VWCE: variants seen among roughly 807,000 people sequenced by gnomAD.
VWCE encodes von Willebrand factor C and EGF domain-containing protein.
In VWCE, 68 loss-of-function variants were observed where a neutral mutation model predicts 102.9. That is an observed-to-expected ratio of 0.66 (90% CI 0.54 to 0.81). The LOEUF (loss-of-function observed/expected upper bound fraction) is 0.81. VWCE is among the 30% of genes least tolerant of loss of function. VWCE has a pLI of 0.00. For missense variants in VWCE, 1,137 were observed against 1,263.6 expected (o/e 0.90, Z 1.52); for synonymous variants, 497 against 515.4 (o/e 0.96, Z 0.48).
intron 15 of VWCE, among the ~76,000 whole-genome samples, chr11:61,268,664 T>C (rs1302556497): frequency 6.6e-6 from 1 of 152,250 alleles, no homozygotes; most frequent in Non-Finnish European, 1.5e-5. Context: ...CTCCTCCTGC[T>C]GTTCTCCAAT....
intron 12 of VWCE, 65 bp from the exon 13 acceptor site, chr11:61,273,381 G>C (rs1454291548): frequency 6.8e-7 from 1 of 1,473,086 alleles, no homozygotes; most frequent in African/African-American, 1.4e-5. Flanking sequence ...TGGAGAGCTA[G>C]AGGAGGCCGC....
At chr11:61,263,651 A>G (rs942231787) in intron 19 of VWCE, among the ~76,000 whole-genome samples, 1 of 152,096 alleles carries the variant, frequency 6.6e-6, no homozygotes, top group African/African-American at 2.4e-5. Flanking sequence ...CCACTGTCCT[A>G]TCTAAAAGCA....
Position 61,259,013 on chromosome 11 carries a change from G to T in VWCE, c.2530C>A (p.Leu844Ile). The change falls in exon 20 of 20, where the codon CTC (leucine) becomes ATC (isoleucine). Residue 844 changes from leucine (L) to isoleucine (I), a missense_variant. Around this residue, in one of 5 missense-constraint regions of VWCE, gnomAD observed 316 missense variants for 319.3 expected, o/e 0.99. Coordinates refer to ENST00000335613, the MANE Select transcript of VWCE (RefSeq NM_152718.2). The stretch of plus-strand genomic sequence containing the variant: ...GGAGGGGTCGAAGGCCCTGGTGAGA[G>T]TCGAGGGGAGGCCCCAGGCTCCCCT... ...FPGEPGASPR[L>I]SPGPSTPPGA... The T allele has an allele frequency of 1.9e-6, 3 of 1,613,754 alleles. No individual in the cohort carries two copies. The highest frequency in any genetic ancestry group is 2.5e-6 in the Non-Finnish European group (3 of 1,179,814).
rs759958113 is a variant in VWCE at position 61,259,002 on chromosome 11, C to A, written c.2541G>T (p.Gly847=). ...EPGASPRLSP[G]PSTPPGAPTL... is the part of the protein sequence containing the mutation. ...TGGGGGCTCCTGGAGGGGTCGAAGGCCCTGGTGAGAGTCGAGGGGAGGCCC... is the reference window on the plus strand; with the variant it reads ...TGGGGGCTCCTGGAGGGGTCGAAGGACCTGGTGAGAGTCGAGGGGAGGCCC... The change falls in exon 20 of 20, where the codon GGG becomes GGT. Residue 847 remains glycine, a synonymous_variant. Coordinates refer to ENST00000335613, the MANE Select transcript of VWCE (RefSeq NM_152718.2). The A allele has an allele frequency of 6.2e-7, 1 of 1,613,074 alleles. No individual in the cohort carries two copies. Among genetic ancestry groups the A allele is most frequent in the East Asian group, 2.2e-5 (1 of 44,858 alleles).
chr11:61,269,315 T>G (rs1307019871), intron 14 of VWCE: 1 of 392,990 alleles, frequency 2.5e-6, no homozygotes, highest in East Asian at 4.5e-5. Context: ...TCCAAATCCT[T>G]TCTCAGCTTT....
intron 4 of VWCE, among the ~76,000 whole-genome samples, chr11:61,287,075 C>T (rs1048402674): frequency 2.0e-5 from 3 of 151,794 alleles, no homozygotes; most frequent in Non-Finnish European, 2.9e-5. Flanking sequence ...CCAGCCTGGG[C>T]GACAGAGCGA....
chr11:61,259,162 G>T lies in VWCE; in HGVS notation c.2381C>A (p.Pro794Gln). ...PGPPTASPSR[P>Q]VLHLLQLLLR... ...AAGGAGCTGGAGGAGATGAAGCACC[G>T]GCCTCGAGGGTGATGCTGTCGGGGG... The change falls in exon 20 of 20, where the codon CCG (proline) becomes CAG (glutamine). Residue 794 changes from proline to glutamine, a missense_variant. Transcript: ENST00000335613. 1 of 1,614,100 alleles carries T rather than the reference G, an allele frequency of 6.2e-7. No individual in the cohort carries two copies. The highest frequency in any genetic ancestry group is 8.5e-7 in the Non-Finnish European group (1 of 1,179,988).
intron 10 of VWCE, among the ~76,000 whole-genome samples, chr11:61,278,105 G>A (rs944124493): frequency 6.6e-6 from 1 of 152,158 alleles, no homozygotes; most frequent in African/African-American, 2.4e-5. Flanking sequence ...CTTCCCTGGT[G>A]GGAAGTTTCC....
rs1478783496 is a variant in VWCE at position 61,286,818 on chromosome 11, C to T, written c.425-388G>A. On this transcript the variant is annotated intron_variant, in intron 4 of 19. Transcript: ENST00000335613. ...CTCCATCTCAGGAAAAAAAAGAAGG[C>T]CGGGCGCGGTGGCTCACGCCTGTAA... is the stretch of plus-strand genomic sequence containing the variant. Among the ~76,000 whole-genome samples the T allele has an allele frequency of 2.0e-4, 30 of 149,508 alleles. No individual in the cohort carries two copies. In the East Asian group the frequency reaches 4.2e-3, roughly 21 times the overall value.
chr11:61,270,314 T>C (rs1206864920), intron 14 of VWCE, among the ~76,000 whole-genome samples: 1 of 152,220 alleles, frequency 6.6e-6, no homozygotes, highest in African/African-American at 2.4e-5. Context: ...GAGGTTAAAA[T>C]GCAGTTTGTG....
intron 4 of VWCE, among the ~76,000 whole-genome samples, chr11:61,289,401 C>CCACT (rs1344908312): frequency 2.0e-5 from 3 of 151,964 alleles, no homozygotes; most frequent in African/African-American, 7.3e-5. Context: ...CAGGCATGTA[C>CCACT]CACTACACCA....
intron 14 of VWCE, chr11:61,271,321 A>G (rs535965848): frequency 4.9e-5 from 11 of 222,488 alleles, no homozygotes; most frequent in Admixed American, 1.5e-4. Flanking sequence ...AATATTTTGT[A>G]TTTTTAGTAG....
intron 1 of VWCE, among the ~76,000 whole-genome samples, chr11:61,293,502 G>A (rs1306508073): frequency 6.6e-6 from 1 of 151,964 alleles, no homozygotes; most frequent in Non-Finnish European, 1.5e-5. Flanking sequence ...CACAACTGCA[G>A]GCCTGGAGGG....
chr11:61,258,794 C>T lies in VWCE; in HGVS notation c.2749G>A (p.Gly917Arg), dbSNP rs142539738. Residue 917 changes from glycine (G) to arginine (R), a missense_variant, in exon 20 of 20, where the codon GGG becomes AGG. Gly to Arg is a moderately radical substitution (Grantham distance 125). Transcript: ENST00000335613. The part of the protein sequence containing the change: ...SPSKTPITLL[G>R]PRVLSPTTSR... ...GTGGTGGGAGAAAGCACGCGAGGCC[C>T]GAGGAGGGTGATGGGGGTCTTCGAG... The T allele has an allele frequency of 2.0e-3, 3,034 of 1,499,372 alleles. 19 individuals carry two copies. The highest frequency in any genetic ancestry group is 8.2e-3 in the South Asian group (572 of 69,954). 92.9% of individuals were successfully genotyped at this position (1,499,372 alleles called of 1,614,324 possible).
In VWCE at chr11:61,281,857, T is replaced by C; in HGVS notation, c.716A>G (p.Asn239Ser). 6.2e-7 allele frequency: 1 copy of C among 1,613,926 alleles called. No individual in the cohort carries two copies. The part of the protein sequence containing the change: ...ERRVCHHSCH[N>S]TVGSFLCTCR... ...TGTGCATAGGAAGCTGCCCACGGTG[T>C]TGTGGCAGGAATGGTGACAGACTCG... Residue 239 changes from asparagine to serine, a missense_variant, in exon 7 of 20, where the codon AAC becomes AGC. By Grantham distance (46) the Asn-to-Ser change is conservative. This residue lies in a region of VWCE where 575 missense variants were observed against 625.9 expected (regional missense o/e 0.92). Transcript: ENST00000335613.
intron 7 of VWCE, 133 bp downstream of exon 7, chr11:61,281,653 G>T: frequency 8.1e-7 from 1 of 1,238,154 alleles, no homozygotes; most frequent in Non-Finnish European, 1.1e-6. Context: ...GTAGGGCGGG[G>T]CCAGGAGCTG....
chr11:61,281,322 A>G (rs1855126752), intron 7 of VWCE, 87 bp from the exon 8 acceptor site: 14 of 1,491,348 alleles, frequency 9.4e-6, no homozygotes, highest in Middle Eastern at 2.4e-4. Flanking sequence ...CTCCACCACC[A>G]CAAGTCCCTG....
Position 61,281,838 on chromosome 11 carries a change from T to A in VWCE, c.735A>T (p.Leu245=). ...HSCHNTVGSF[L]CTCRPGFRLR... is the part of the protein sequence containing the mutation. ...GCCTGAAGCCAGGTCGGCATGTGCA[T>A]AGGAAGCTGCCCACGGTGTTGTGGC... Residue 245 remains leucine (L), a synonymous_variant, in exon 7 of 20, where the codon CTA becomes CTT. Coordinates refer to ENST00000335613, the MANE Select transcript of VWCE (RefSeq NM_152718.2). The A allele has an allele frequency of 6.2e-7, 1 of 1,613,904 alleles. No individual in the cohort carries two copies. The highest frequency in any genetic ancestry group is 1.3e-5 in the African/African-American group (1 of 75,044).
intron 19 of VWCE, among the ~76,000 whole-genome samples, 172 bp downstream of exon 19, chr11:61,264,315 C>A (rs1221244312): frequency 6.6e-6 from 1 of 151,120 alleles, no homozygotes; most frequent in East Asian, 1.9e-4. Context: ...ATCATGAGCA[C>A]GGGATGAGGG....
Sources: gnomAD v4.1 joint callset for allele counts (sites outside exome capture counted in the v4.1 genomes callset) on GRCh38, gnomAD v4.1.1 for gene constraint, gnomAD v4.1.1 regional missense constraint, MANE v1.5 for transcripts, NCBI Gene and HGNC (gene_info 2026-07-23, HGNC 2026-07-21) for gene names.